Variants in ZNF804B observed in about 807,000 individuals in gnomAD.
The protein encoded by ZNF804B is zinc finger 804B.
In ZNF804B, 80 loss-of-function variants were observed where a neutral mutation model predicts 101.4. The ratio of observed to expected loss-of-function variants is 0.79; its 90% CI spans 0.66 to 0.95. The LOEUF (loss-of-function observed/expected upper bound fraction) is 0.95, where lower values mean the gene tolerates loss of function less well. Ranked by LOEUF, ZNF804B falls within the 40% of genes least tolerant of loss-of-function variation. The pLI is 0.00. For missense variants in ZNF804B, 1,673 were observed against 1,561.9 expected (o/e 1.07, Z -1.20); for synonymous variants, 622 against 558.8 (o/e 1.11, Z -1.59).
intron 1 of ZNF804B, among the ~76,000 whole-genome samples, chr7:88,877,026 AATATATATATATAT>A (rs1231449305): frequency 2.4e-5 from 1 of 41,096 alleles, no homozygotes; most frequent in Admixed American, 4.7e-4. Flanking sequence ...ATATATATAT[AATATATATATATAT>A]ATATATATAT....
At chr7:89,156,075 T>TCTTTC (rs1261757746) in intron 1 of ZNF804B, among the ~76,000 whole-genome samples, 3 of 80,176 alleles carry the variant, frequency 3.7e-5, no homozygotes, top group Non-Finnish European at 6.1e-5. Context: ...TTTCTTTCTC[T>TCTTTC]CTTTCTCTCT....
chr7:89,092,408 G>A (rs1227334582), intron 1 of ZNF804B, among the ~76,000 whole-genome samples: 1 of 93,840 alleles, frequency 1.1e-5, no homozygotes, highest in Admixed American at 1.5e-4. Flanking sequence ...TTTCTTTTCT[G>A]TTTTTTTTTT....
chr7:88,813,629 A>G (rs926933884), intron 1 of ZNF804B, among the ~76,000 whole-genome samples: 1 of 152,134 alleles, frequency 6.6e-6, no homozygotes, highest in African/African-American at 2.4e-5. Flanking sequence ...TTGAAATTCA[A>G]CATAACAAAA....
intron 1 of ZNF804B, among the ~76,000 whole-genome samples, chr7:88,958,797 C>G (rs939788682): frequency 6.6e-6 from 1 of 151,386 alleles, no homozygotes; most frequent in Non-Finnish European, 1.5e-5. Flanking sequence ...TTGCTCAAGA[C>G]AAATACAGAC....
At chr7:88,808,021 T>C (rs1421547904) in intron 1 of ZNF804B, among the ~76,000 whole-genome samples, 1 of 152,168 alleles carries the variant, frequency 6.6e-6, no homozygotes, top group Non-Finnish European at 1.5e-5. Context: ...TCTGATGCAG[T>C]GAACCTCAAA....
At chr7:89,092,887 C>T (rs1789916711) in intron 1 of ZNF804B, among the ~76,000 whole-genome samples, 1 of 152,068 alleles carries the variant, frequency 6.6e-6, no homozygotes, top group Admixed American at 6.6e-5. Flanking sequence ...GTATTAGAAA[C>T]CAAGATCTGG....
At position 88,951,453 on chromosome 7, in the gene ZNF804B, CACAT is replaced by C. The variant is rs923833459; in HGVS notation, c.108+191370_108+191373del. 2.2e-4 allele frequency among the ~76,000 whole-genome samples: 34 copies of C among 151,954 alleles called. No homozygotes were observed. The East Asian group carries it at 3.5e-3, about 16-fold the overall frequency. On this transcript the variant is annotated intron_variant, in intron 1 of 3. Transcript: ENST00000333190. ...AAAATATATTTTGTGTACATACACA[CACAT>C]GCGCGTGCGCACGCGCACGCACATA...
At chr7:88,998,589 A>G (rs1788233556) in intron 1 of ZNF804B, among the ~76,000 whole-genome samples, 1 of 152,086 alleles carries the variant, frequency 6.6e-6, no homozygotes, top group African/African-American at 2.4e-5. Flanking sequence ...GACCCGCCAC[A>G]GTCTAGCAAA....
At chr7:88,873,605 T>C (rs1583989482) in intron 1 of ZNF804B, among the ~76,000 whole-genome samples, 1 of 152,124 alleles carries the variant, frequency 6.6e-6, no homozygotes, top group Non-Finnish European at 1.5e-5. Flanking sequence ...GGTTTTAGGT[T>C]GAATGTTTAA....
At chr7:88,799,071 G>A (rs1424145496) in intron 1 of ZNF804B, among the ~76,000 whole-genome samples, 1 of 151,992 alleles carries the variant, frequency 6.6e-6, no homozygotes, top group African/African-American at 2.4e-5. Flanking sequence ...CAACTTATCT[G>A]ATGTTAATAC....
chr7:88,870,525 T>C (rs1791807142), intron 1 of ZNF804B, among the ~76,000 whole-genome samples: 2 of 152,060 alleles, frequency 1.3e-5, no homozygotes, highest in Non-Finnish European at 2.9e-5. Context: ...CTAGAAGCCA[T>C]GGCTTCCCTC....
chr7:89,168,289 GTGTT>G (rs1791172917), intron 1 of ZNF804B, among the ~76,000 whole-genome samples: 1 of 150,902 alleles, frequency 6.6e-6, no homozygotes, highest in East Asian at 1.9e-4. Context: ...TCTTTTTAGT[GTGTT>G]TGTGCATATG....
chr7:89,022,061 T>A (rs1031974756), intron 1 of ZNF804B, among the ~76,000 whole-genome samples: 1 of 152,110 alleles, frequency 6.6e-6, no homozygotes, highest in African/African-American at 2.4e-5. Flanking sequence ...CTTACTTTTT[T>A]TTCCACGAGG....
At chr7:89,181,962 A>G (rs779483232) in intron 1 of ZNF804B, among the ~76,000 whole-genome samples, 8 of 152,194 alleles carry the variant, frequency 5.3e-5, no homozygotes, top group Non-Finnish European at 1.0e-4. Context: ...TTTATTCTCT[A>G]TTTTGAACCA....
chr7:89,120,830 C>T (rs758855538), intron 1 of ZNF804B, among the ~76,000 whole-genome samples: 145 of 152,080 alleles, frequency 9.5e-4, no homozygotes, highest in Non-Finnish European at 1.6e-3. Flanking sequence ...ATAATAGTAG[C>T]AGTAATGATT....
At chr7:88,952,714 G>A (rs1160779715) in intron 1 of ZNF804B, among the ~76,000 whole-genome samples, 6 of 151,760 alleles carry the variant, frequency 4.0e-5, no homozygotes, top group Admixed American at 6.6e-5. Context: ...AAAAGACACC[G>A]TAATCTATAA....
intron 1 of ZNF804B, among the ~76,000 whole-genome samples, chr7:88,790,470 T>G (rs922270104): frequency 2.6e-5 from 4 of 152,012 alleles, no homozygotes; most frequent in Non-Finnish European, 5.9e-5. Context: ...TCCCTCCTTG[T>G]GTCTATGTGT....
chr7:88,838,883 A>G (rs1056787009), intron 1 of ZNF804B, among the ~76,000 whole-genome samples: 2 of 152,062 alleles, frequency 1.3e-5, no homozygotes, highest in African/African-American at 4.8e-5. Context: ...TAATAACTAG[A>G]TAGTATTAGG....
intron 2 of ZNF804B, among the ~76,000 whole-genome samples, chr7:89,239,890 A>G (rs1401195860): frequency 1.3e-5 from 2 of 151,604 alleles, no homozygotes; most frequent in Non-Finnish European, 2.9e-5. Context: ...TCATTGAAAT[A>G]ACTGTATTAT....
Sources: allele counts gnomAD v4.1 joint callset (sites outside exome capture counted in the v4.1 genomes callset), GRCh38; gene constraint gnomAD v4.1.1; transcripts MANE v1.5; gene names NCBI Gene and HGNC (gene_info 2026-07-23, HGNC 2026-07-21).